The following ARHGAP20 variants were observed in gnomAD, a reference collection of about 807,000 sequenced individuals.
ARHGAP20 encodes the protein Rho GTPase activating protein 20.
A neutral mutation model predicts 73.7 loss-of-function variants in ARHGAP20; 34 were observed. The observed-to-expected ratio is 0.46, with a 90% confidence interval of 0.35 to 0.61. The LOEUF is 0.61. Among genes scored for constraint, ARHGAP20 ranks in the 20% least tolerant of loss-of-function variants. The pLI, the probability that ARHGAP20 is intolerant of heterozygous loss-of-function variation, is 0.00. For missense variants in ARHGAP20, 1,314 were observed against 1,420.9 expected (o/e 0.92, Z 1.21); for synonymous variants, 523 against 518.2 (o/e 1.01, Z -0.13).
intron 12 of ARHGAP20, among the ~76,000 whole-genome samples, chr11:110,585,052 T>C (rs201561178): frequency 1.3e-5 from 2 of 150,240 alleles, no homozygotes; most frequent in African/African-American, 4.9e-5. Context: ...TATATGAATA[T>C]ATGAATATAT....
rs1591286363 is a variant in ARHGAP20 at position 110,578,032 on chromosome 11, G to A, written c.*1338C>T. ...AACTTCTTATAGGTTAGTAGTTAATGTGAAAGAAGATGCACATCCATTTTT... is the reference window on the plus strand; with the variant it reads ...AACTTCTTATAGGTTAGTAGTTAATATGAAAGAAGATGCACATCCATTTTT... On this transcript the variant is annotated 3_prime_UTR_variant, in exon 15 of 15. Coordinates refer to ENST00000683387, the MANE Select transcript of ARHGAP20 (RefSeq NM_001384657.1). 1.8e-5 allele frequency: 18 copies of A among 985,372 alleles called. No individual in the cohort carries two copies. The highest frequency in any genetic ancestry group is 2.2e-5 in the Non-Finnish European group (18 of 829,894). 61.0% of individuals were successfully genotyped at this position (985,372 alleles called of 1,614,324 possible).
intron 1 of ARHGAP20, among the ~76,000 whole-genome samples, chr11:110,693,648 C>G (rs1171094457): frequency 6.6e-6 from 1 of 151,864 alleles, no homozygotes. Context: ...CAAAGGGCCA[C>G]TAATAACTTC....
intron 7 of ARHGAP20, 100 bp from the exon 8 acceptor site, chr11:110,609,150 C>A (rs1948307459): frequency 1.0e-6 from 1 of 970,142 alleles, no homozygotes; most frequent in Non-Finnish European, 1.6e-6. Context: ...TCCCTCCTGC[C>A]CCCTACCCAG....
At chr11:110,650,876 T>C (rs1054946605) in intron 2 of ARHGAP20, among the ~76,000 whole-genome samples, 1 of 152,192 alleles carries the variant, frequency 6.6e-6, no homozygotes, top group East Asian at 1.9e-4. Context: ...AGATGCCCAA[T>C]GTAGTTCTGG....
intron 4 of ARHGAP20, among the ~76,000 whole-genome samples, chr11:110,618,274 C>G (rs1389523116): frequency 1.3e-5 from 2 of 152,096 alleles, no homozygotes; most frequent in African/African-American, 4.8e-5. Flanking sequence ...AACAGCAGTT[C>G]CAGTAAAGAA....
intron 2 of ARHGAP20, among the ~76,000 whole-genome samples, chr11:110,634,252 G>A (rs568603248): frequency 1.3e-5 from 2 of 152,028 alleles, no homozygotes; most frequent in Non-Finnish European, 2.9e-5. Context: ...AGGATGAGAA[G>A]TGAGGAACTA....
intron 2 of ARHGAP20, among the ~76,000 whole-genome samples, chr11:110,677,427 G>A (rs1949954168): frequency 6.6e-6 from 1 of 152,182 alleles, no homozygotes; most frequent in Non-Finnish European, 1.5e-5. Context: ...GCCAAGGTGG[G>A]CAAATGGCTT....
intron 9 of ARHGAP20, among the ~76,000 whole-genome samples, chr11:110,598,120 G>T (rs190984232): frequency 7.3e-4 from 110 of 150,110 alleles, no homozygotes; most frequent in African/African-American, 2.5e-3. Flanking sequence ...AACAAAAAAT[G>T]TTAGAAATTC....
At chr11:110,648,252 TAAATATATATATGTAAATATATATATGC>T (rs1949266723) in intron 2 of ARHGAP20, among the ~76,000 whole-genome samples, 1 of 83,074 alleles carries the variant, frequency 1.2e-5, no homozygotes, top group Non-Finnish European at 2.5e-5. Flanking sequence ...TATATATATG[TAAATATATATATGTAAATATATATATGC>T]ATATAGACAA....
chr11:110,702,905 A>T (rs990629679), intron 1 of ARHGAP20, among the ~76,000 whole-genome samples: 14 of 152,186 alleles, frequency 9.2e-5, no homozygotes, highest in African/African-American at 3.1e-4. Flanking sequence ...AAATGGAAGA[A>T]CATTCCATGC....
intron 3 of ARHGAP20, among the ~76,000 whole-genome samples, chr11:110,629,597 G>T (rs7937055): frequency 0.088 from 13,448 of 152,132 alleles, 659 homozygotes; most frequent in African/African-American, 0.12. Context: ...CCTTCATTCT[G>T]AAACGGTTCT....
chr11:110,617,324 G>A (rs1348353491), intron 4 of ARHGAP20, among the ~76,000 whole-genome samples: 2 of 150,072 alleles, frequency 1.3e-5, no homozygotes, highest in African/African-American at 2.5e-5. Context: ...GTGCAATGGC[G>A]CAATCTTGGC....
chr11:110,657,253 A>G (rs1949486816), intron 2 of ARHGAP20, among the ~76,000 whole-genome samples: 1 of 152,108 alleles, frequency 6.6e-6, no homozygotes, highest in African/African-American at 2.4e-5. Flanking sequence ...CCAGTTCTAA[A>G]TTTCTGATTC....
intron 2 of ARHGAP20, among the ~76,000 whole-genome samples, chr11:110,675,152 C>G (rs1420143815): frequency 1.3e-5 from 2 of 152,108 alleles, no homozygotes; most frequent in African/African-American, 2.4e-5. Flanking sequence ...AATGGTCTAC[C>G]TGCCTTGTCT....
intron 9 of ARHGAP20, among the ~76,000 whole-genome samples, chr11:110,596,711 A>G (rs1180061100): frequency 1.3e-5 from 2 of 152,156 alleles, no homozygotes; most frequent in Admixed American, 1.3e-4. Flanking sequence ...AACTAGTTCA[A>G]CCATTGTGGA....
intron 2 of ARHGAP20, among the ~76,000 whole-genome samples, chr11:110,640,069 G>A (rs1949048892): frequency 6.6e-6 from 1 of 151,936 alleles, no homozygotes; most frequent in Non-Finnish European, 1.5e-5. Context: ...GGATCCTAGT[G>A]TTACTTTAGA....
chr11:110,590,929 G>A (rs1947811800), intron 10 of ARHGAP20, 120 bp from the exon 11 acceptor site: 2 of 1,020,026 alleles, frequency 2.0e-6, no homozygotes, highest in South Asian at 4.1e-5. Flanking sequence ...CTGAAGGATT[G>A]GAGCTAAATA....
At chr11:110,610,071 T>C (rs778331440) in intron 7 of ARHGAP20, among the ~76,000 whole-genome samples, 1 of 152,072 alleles carries the variant, frequency 6.6e-6, no homozygotes, top group Admixed American at 6.6e-5. Context: ...AAAGCATAGA[T>C]AAAAGAATGA....
At chr11:110,602,189 T>C (rs1948127340) in intron 9 of ARHGAP20, among the ~76,000 whole-genome samples, 1 of 151,798 alleles carries the variant, frequency 6.6e-6, no homozygotes, top group African/African-American at 2.4e-5. Context: ...CTTGACTGTT[T>C]CAAGTGCCAC....
Sources: gnomAD v4.1 joint callset for allele counts (sites outside exome capture counted in the v4.1 genomes callset) on GRCh38, gnomAD v4.1.1 for gene constraint, MANE v1.5 for transcripts, NCBI Gene and HGNC (gene_info 2026-07-23, HGNC 2026-07-21) for gene names.